The following HPSE2 variants were observed in gnomAD, a reference collection of about 807,000 sequenced individuals.
HPSE2 encodes the protein heparanase 2 (inactive).
A neutral mutation model predicts 60.5 loss-of-function variants in HPSE2; 38 were observed. That is an observed-to-expected ratio of 0.63 (90% confidence interval 0.48 to 0.82). The LOEUF is 0.82. HPSE2 is among the 40% of genes least tolerant of loss of function. The probability of loss-of-function intolerance (pLI) is 0.00; values close to 1 mark genes in which losing one functional copy is unlikely to be tolerated. For synonymous variants in HPSE2, 295 were observed against 293.2 expected (o/e 1.01, Z -0.06); for missense variants, 713 against 740.4 (o/e 0.96, Z 0.43).
chr10:99,075,357 T>C (rs370297443), intron 3 of HPSE2, among the ~76,000 whole-genome samples: 12 of 152,314 alleles, frequency 7.9e-5, no homozygotes, highest in African/African-American at 2.9e-4. Flanking sequence ...CTACTGTTTA[T>C]TTCTAATTTC....
intron 2 of HPSE2, among the ~76,000 whole-genome samples, chr10:99,195,603 C>T (rs1848369364): frequency 2.0e-5 from 3 of 151,886 alleles, no homozygotes. Context: ...AGTAATCCCA[C>T]TTACAGTAGC....
At chr10:99,242,092 AGGAC>A in the HPSE2 span, among the ~76,000 whole-genome samples, 1 of 152,228 alleles carries the variant, frequency 6.6e-6, no homozygotes, top group Admixed American at 6.5e-5. Context: ...GAATAGGCAA[AGGAC>A]AGTACAAGAG....
At chr10:98,628,403 T>C (rs995799593) in intron 7 of HPSE2, among the ~76,000 whole-genome samples, 1 of 152,202 alleles carries the variant, frequency 6.6e-6, no homozygotes, top group Admixed American at 6.5e-5. Flanking sequence ...CTGTGGTTTT[T>C]TGTAGTAAAC....
chr10:98,701,697 C>A (rs899945729), intron 5 of HPSE2, among the ~76,000 whole-genome samples: 2 of 151,728 alleles, frequency 1.3e-5, no homozygotes, highest in Non-Finnish European at 2.9e-5. Flanking sequence ...AATTTCAAAT[C>A]CAGCCAAACT....
the HPSE2 span, among the ~76,000 whole-genome samples, chr10:99,244,634 C>T: frequency 8.3e-6 from 1 of 120,262 alleles, no homozygotes; most frequent in Non-Finnish European, 1.6e-5. Flanking sequence ...TGGTCTCAAA[C>T]TCTTGGGCTA....
the HPSE2 span, among the ~76,000 whole-genome samples, chr10:99,280,476 A>T: frequency 9.2e-5 from 14 of 152,280 alleles, no homozygotes; most frequent in East Asian, 2.7e-3. Context: ...TGCATTCCCA[A>T]ATATCAACTG....
At chr10:98,866,174 T>C (rs572968964) in intron 3 of HPSE2, among the ~76,000 whole-genome samples, 1 of 152,128 alleles carries the variant, frequency 6.6e-6, no homozygotes, top group South Asian at 2.1e-4. Context: ...AAGAAAAATA[T>C]TTTAAAATAT....
At chr10:99,190,315 C>T (rs1564882686) in intron 2 of HPSE2, among the ~76,000 whole-genome samples, 1 of 152,174 alleles carries the variant, frequency 6.6e-6, no homozygotes, top group Non-Finnish European at 1.5e-5. Context: ...GCAGAAGTTA[C>T]ATAATCTCTT....
intron 9 of HPSE2, among the ~76,000 whole-genome samples, chr10:98,498,081 T>A (rs889757474): frequency 2.6e-5 from 4 of 152,116 alleles, no homozygotes; most frequent in Non-Finnish European, 4.4e-5. Flanking sequence ...GGAGATTGGA[T>A]CATCATGGTG....
intron 5 of HPSE2, among the ~76,000 whole-genome samples, chr10:98,704,997 T>G (rs1948508091): frequency 6.6e-6 from 1 of 152,136 alleles, no homozygotes. Flanking sequence ...AGAAAAGTTT[T>G]GCAATCTGCC....
At chr10:98,830,281 G>A (rs150566590) in intron 3 of HPSE2, among the ~76,000 whole-genome samples, 2 of 152,286 alleles carry the variant, frequency 1.3e-5, no homozygotes, top group African/African-American at 4.8e-5. Flanking sequence ...TAGAGAGAAG[G>A]AGGAGGAAGA....
intron 7 of HPSE2, among the ~76,000 whole-genome samples, chr10:98,625,577 T>A (rs143288274): frequency 8.5e-5 from 13 of 152,346 alleles, no homozygotes; most frequent in Middle Eastern, 3.4e-3. Context: ...GGATGTTTGC[T>A]GTAAGTACAA....
chr10:99,257,685 T>G, the HPSE2 span, among the ~76,000 whole-genome samples: 2 of 152,158 alleles, frequency 1.3e-5, no homozygotes, highest in Admixed American at 1.3e-4. Context: ...TTGCCCTGCC[T>G]CCATTTGCCT....
At position 98,649,426 on chromosome 10, in the gene HPSE2, T is replaced by C. The variant is rs1389019673; in HGVS notation, c.1005-7486A>G. Among the ~76,000 whole-genome samples the C allele has an allele frequency of 3.3e-5, 5 of 152,154 alleles. No homozygotes were observed. The East Asian group carries it at 9.6e-4, about 29-fold the overall frequency. Reference sequence around the variant, plus strand: ...GTATTAGTAAGTAGGAAACCAGAGATCATATAGGTACTAAGTAACAGACAC... The same window carrying C: ...GTATTAGTAAGTAGGAAACCAGAGACCATATAGGTACTAAGTAACAGACAC... On this transcript the variant is annotated intron_variant, in intron 6 of 11. Transcript: ENST00000370552.
At chr10:99,214,984 T>C (rs1162718343) in intron 2 of HPSE2, among the ~76,000 whole-genome samples, 1 of 152,190 alleles carries the variant, frequency 6.6e-6, no homozygotes, top group Non-Finnish European at 1.5e-5. Context: ...TTTTACACTG[T>C]TGGTGGGAAT....
At chr10:98,494,934 T>C (rs1941779781) in intron 9 of HPSE2, among the ~76,000 whole-genome samples, 1 of 152,212 alleles carries the variant, frequency 6.6e-6, no homozygotes, top group Non-Finnish European at 1.5e-5. Flanking sequence ...ATTACAATAA[T>C]GCCAGCTTGT....
At chr10:98,483,146 T>A (rs1035673792) in intron 10 of HPSE2, among the ~76,000 whole-genome samples, 2 of 152,216 alleles carry the variant, frequency 1.3e-5, no homozygotes, top group African/African-American at 4.8e-5. Flanking sequence ...AACCCTCATA[T>A]CTTGAGATAT....
intron 2 of HPSE2, among the ~76,000 whole-genome samples, chr10:99,212,801 A>T (rs1225147528): frequency 6.6e-6 from 1 of 152,196 alleles, no homozygotes; most frequent in Admixed American, 6.5e-5. Context: ...AGAAAAATTA[A>T]AAAGTATGTG....
intron 2 of HPSE2, among the ~76,000 whole-genome samples, chr10:99,169,504 C>CAAAAAAAAAAAAAAAAAAAAAAA (rs562946052): frequency 1.8e-5 from 1 of 54,734 alleles, no homozygotes; most frequent in African/African-American, 6.1e-5. Context: ...GACTCCGTCT[C>CAAAAAAAAAAAAAAAAAAAAAAA]AAAAAAAAAA....
Sources: allele counts gnomAD v4.1 joint callset (sites outside exome capture counted in the v4.1 genomes callset), GRCh38; gene constraint gnomAD v4.1.1; transcripts MANE v1.5; gene names NCBI Gene and HGNC (gene_info 2026-07-23, HGNC 2026-07-21).